Variants in NCOR2 observed in about 807,000 individuals in gnomAD.
NCOR2 encodes the protein CTG repeat protein 26.
In NCOR2, 81 loss-of-function variants were observed where a neutral mutation model predicts 262.9. That is an observed-to-expected ratio of 0.31 (90% CI 0.26 to 0.37). The LOEUF (loss-of-function observed/expected upper bound fraction) is 0.37. Among genes scored for constraint, NCOR2 ranks in the 10% least tolerant of loss-of-function variants. The pLI, the probability that NCOR2 is intolerant of heterozygous loss-of-function variation, is 1.00. For synonymous variants in NCOR2, 1,659 were observed against 1,559.3 expected (o/e 1.06, Z -1.51); for missense variants, 3,385 against 3,621.4 (o/e 0.93, Z 1.68).
chr12:124,540,445 C>A (rs1459898040), upstream of NCOR2, among the ~76,000 whole-genome samples: 1 of 63,120 alleles, frequency 1.6e-5, no homozygotes, highest in Non-Finnish European at 3.0e-5. Flanking sequence ...GGGAGTAGAG[C>A]TGGAGGGGGA....
chr12:124,471,396 A>G (rs2046827667), intron 4 of NCOR2, among the ~76,000 whole-genome samples: 1 of 152,194 alleles, frequency 6.6e-6, no homozygotes, highest in Non-Finnish European at 1.5e-5. Context: ...GGGCCCAGAC[A>G]GTGTCACAAT....
In NCOR2 at chr12:124,450,723, G is replaced by C. The variant is rs554588948; in HGVS notation, c.763-856C>G. On this transcript the variant is annotated intron_variant, in intron 6 of 46. Coordinates refer to ENST00000405201, the Ensembl canonical transcript of NCOR2. ...CTGTGATGGTGCAGGGACCAAGCCA[G>C]CTGCCACGTGTCCCCTCCCAGATGG... Among the ~76,000 whole-genome samples the C allele has an allele frequency of 1.2e-4, 19 of 152,346 alleles. No homozygotes were observed. The East Asian group carries it at 2.9e-3, about 23-fold the overall frequency.
intron 43 of NCOR2, 43 bp from the exon 46 acceptor site, chr12:124,330,941 G>C (rs772299417): frequency 1.3e-6 from 2 of 1,555,902 alleles, no homozygotes; most frequent in Non-Finnish European, 1.7e-6. Flanking sequence ...CAGGTCTCTG[G>C]GAATTACCTG....
intron 41 of NCOR2, 127 bp from the exon 44 acceptor site, chr12:124,333,406 C>T: frequency 1.0e-5 from 8 of 796,024 alleles, no homozygotes; most frequent in Middle Eastern, 6.9e-4. Context: ...ACGTTTTAGG[C>T]ATTTTCGACC....
chr12:124,355,307 A>T, intron 24 of NCOR2, 125 bp downstream of exon 26: 1 of 1,202,472 alleles, frequency 8.3e-7, no homozygotes, highest in Non-Finnish European at 1.2e-6. Context: ...CAGACCCCAG[A>T]TGCCTGAGTG....
intron 3 of NCOR2, among the ~76,000 whole-genome samples, chr12:124,474,116 C>T (rs896152514): frequency 3.9e-5 from 6 of 152,226 alleles, no homozygotes; most frequent in African/African-American, 1.2e-4. Context: ...GCCCAAGGAA[C>T]GAAGACCCAC....
At chr12:124,388,678 C>G (rs1217049243) in intron 16 of NCOR2, 1 of 1,304,490 alleles carries the variant, frequency 7.7e-7, no homozygotes, top group East Asian at 5.5e-5. Flanking sequence ...CAGGACCACT[C>G]ACTCACATCC....
chr12:124,419,906 C>A (rs1383965385), intron 13 of NCOR2, 51 bp downstream of exon 15: 1 of 1,542,934 alleles, frequency 6.5e-7, no homozygotes, highest in Admixed American at 1.7e-5. Flanking sequence ...CAAGTGGCCG[C>A]TGAGCATGCA....
chr12:124,431,574 G>GAC (rs151172779), intron 8 of NCOR2, among the ~76,000 whole-genome samples: 6 of 147,086 alleles, frequency 4.1e-5, no homozygotes, highest in Non-Finnish European at 5.9e-5. Flanking sequence ...TACACAGAGA[G>GAC]ACACACACAC....
chr12:124,422,587 G>A, intron 11 of NCOR2, 32 bp from the exon 14 acceptor site: 1 of 1,612,610 alleles, frequency 6.2e-7, no homozygotes. Flanking sequence ...CGTGAGACCT[G>A]GCCGAGGGGG....
chr12:124,351,202 G>A (rs540426003), intron 27 of NCOR2, among the ~76,000 whole-genome samples: 4 of 152,268 alleles, frequency 2.6e-5, no homozygotes, highest in African/African-American at 7.2e-5. Flanking sequence ...TACCGAAAAC[G>A]GTAACTGGCG....
intron 5 of NCOR2, among the ~76,000 whole-genome samples, chr12:124,460,045 C>G (rs955446120): frequency 6.6e-6 from 1 of 152,250 alleles, no homozygotes; most frequent in African/African-American, 2.4e-5. Context: ...TCCCTGACCC[C>G]CCGCAGCAGG....
chr12:124,507,008 G>A (rs898716224), intron 1 of NCOR2, among the ~76,000 whole-genome samples: 21 of 152,250 alleles, frequency 1.4e-4, no homozygotes, highest in African/African-American at 5.1e-4. Context: ...GTCTTCATCC[G>A]TTTTGCTTCA....
intron 41 of NCOR2, among the ~76,000 whole-genome samples, chr12:124,333,874 G>A (rs2035525595): frequency 8.3e-6 from 1 of 119,928 alleles, no homozygotes; most frequent in Non-Finnish European, 1.8e-5. Flanking sequence ...GTGCGCATGT[G>A]TGCGGGTGTG....
chr12:124,403,965 C>T (rs1593389766), intron 13 of NCOR2, among the ~76,000 whole-genome samples: 1 of 152,190 alleles, frequency 6.6e-6, no homozygotes, highest in African/African-American at 2.4e-5. Flanking sequence ...CAGAGTTGCC[C>T]GACCTGGAAC....
In NCOR2 at chr12:124,417,151, G is replaced by GAGAGCAGGCCGGACACTCACTCCACGC. The variant is rs1565923959; in HGVS notation, c.1482+2779_1482+2805dup. Among the ~76,000 whole-genome samples, 137 of 126,668 alleles carry GAGAGCAGGCCGGACACTCACTCCACGC rather than the reference G, an allele frequency of 1.1e-3. 1 individual carries two copies. The highest frequency in any genetic ancestry group is 4.0e-3 in the African/African-American group (125 of 31,550). The allele number at this position is 126,668 out of a possible 152,430, so 83.1% of individuals were successfully genotyped here. A position where few individuals can be genotyped will look rare whatever the true frequency, so the allele number is the denominator to read the frequency against. On this transcript the variant is annotated intron_variant, in intron 13 of 46. Coordinates refer to ENST00000405201, the Ensembl canonical transcript of NCOR2. ...GAGCAGACCAGACACTCACTCCACG[G>GAGAGCAGGCCGGACACTCACTCCACGC]AGAGCAGGCCGGACACTCACTCCAC...
exon 34 of NCOR2, chr12:124,342,040 G>A: frequency 1.2e-6 from 2 of 1,612,156 alleles, no homozygotes; most frequent in Non-Finnish European, 1.7e-6. Context: ...AGGTGGGGTT[G>A]GGGGCCAGGT....
chr12:124,334,434 C>A, exon 41 of NCOR2: 2 of 1,507,752 alleles, frequency 1.3e-6, no homozygotes, highest in Non-Finnish European at 1.8e-6. Flanking sequence ...CTCTTGCCCC[C>A]TTCGCTGTGG....
rs1370234052 is a variant in NCOR2 at position 124,389,230 on chromosome 12, C to G, written c.1877-3343G>C. On this transcript the variant is annotated intron_variant, in intron 16 of 46. Transcript: ENST00000405201. This position sits in a 1 kb window ranked among gnomAD's most constrained non-coding sequence, Gnocchi z 4.4. ...ACAGACCCCCGGGCCGGGCAAAATC[C>G]AAGGACCCAGGCCCAGCAGGGCAGC... Among the ~76,000 whole-genome samples the G allele has an allele frequency of 6.6e-6, 1 of 152,254 alleles. No homozygotes were observed. The highest frequency in any genetic ancestry group is 2.4e-5 in the African/African-American group (1 of 41,474).
Sources: allele counts gnomAD v4.1 joint callset (sites outside exome capture counted in the v4.1 genomes callset), GRCh38; gene constraint gnomAD v4.1.1; non-coding constraint Gnocchi (gnomAD v3.1); transcripts MANE v1.5; gene names NCBI Gene and HGNC (gene_info 2026-07-23, HGNC 2026-07-21).